The following SNTG2 variants were observed in gnomAD, a reference collection of about 807,000 sequenced individuals.
SNTG2 encodes the protein syntrophin gamma 2.
Under a neutral mutation model 70.9 loss-of-function variants are expected in SNTG2, and 74 were observed. The ratio of observed to expected loss-of-function variants is 1.04; its 90% CI spans 0.86 to 1.27. The LOEUF is 1.27. SNTG2 is among the 50% of genes most tolerant of loss of function. The pLI is 0.00. For synonymous variants in SNTG2, 278 were observed against 273.8 expected (o/e 1.02, Z -0.15); for missense variants, 717 against 690.7 (o/e 1.04, Z -0.43).
intron 14 of SNTG2, among the ~76,000 whole-genome samples, chr2:1,297,928 C>T (rs530107765): frequency 3.9e-5 from 6 of 152,116 alleles, no homozygotes; most frequent in Admixed American, 6.5e-5. Context: ...TTGAGCAGGG[C>T]GCGTGTTGGT....
At chr2:1,230,038 C>A (rs912313362) in intron 9 of SNTG2, among the ~76,000 whole-genome samples, 2 of 152,214 alleles carry the variant, frequency 1.3e-5, no homozygotes, top group African/African-American at 4.8e-5. Context: ...CAGAGAGGGG[C>A]TCCCACAGTG....
intron 8 of SNTG2, among the ~76,000 whole-genome samples, chr2:1,190,928 A>G (rs1051751812): frequency 6.6e-6 from 1 of 152,186 alleles, no homozygotes; most frequent in Admixed American, 6.5e-5. Flanking sequence ...TTTACAACTG[A>G]ATGTTTAAAA....
rs927439202 is a variant in SNTG2, at chr2:1,367,329, A to C, written c.1489-14A>C. ...ACAATTATAATAAACACTTGATCTG[A>C]TTTTCTCCTCCAGGAACTCGAGTTC... On this transcript the variant is annotated splice_polypyrimidine_tract_variant and intron_variant, in intron 16 of 16. Coordinates refer to ENST00000308624, the MANE Select transcript of SNTG2 (RefSeq NM_018968.4). 2.6e-6 allele frequency: 4 copies of C among 1,525,958 alleles called. No homozygotes were observed. The African/African-American group carries it at 5.6e-5, about 21-fold the overall frequency. 94.5% of individuals were successfully genotyped at this position (1,525,958 alleles called of 1,614,324 possible).
At chr2:1,316,143 G>A (rs572749470) in intron 15 of SNTG2, 122 bp from the exon 16 acceptor site, 14 of 581,628 alleles carry the variant, frequency 2.4e-5, no homozygotes, top group Admixed American at 6.5e-5. Flanking sequence ...CATGCTAAAC[G>A]TCGATTTAAA....
intron 6 of SNTG2, among the ~76,000 whole-genome samples, chr2:1,161,890 C>G (rs930116439): frequency 1.3e-5 from 2 of 151,866 alleles, no homozygotes; most frequent in Non-Finnish European, 2.9e-5. Context: ...CTGGCTAACA[C>G]GGTGAAACCC....
chr2:1,244,524 G>A (rs1450707377), intron 11 of SNTG2, among the ~76,000 whole-genome samples: 1 of 151,852 alleles, frequency 6.6e-6, no homozygotes, highest in Non-Finnish European at 1.5e-5. Flanking sequence ...GTGAAACCCT[G>A]TCTCTACTAA....
chr2:1,261,933 C>T (rs556004496), intron 13 of SNTG2, among the ~76,000 whole-genome samples: 10 of 152,178 alleles, frequency 6.6e-5, no homozygotes, highest in Non-Finnish European at 1.2e-4. Flanking sequence ...CTCTATTCCA[C>T]GTGCTAGAAG....
At chr2:951,843 A>C (rs932167387) in intron 1 of SNTG2, among the ~76,000 whole-genome samples, 3 of 152,076 alleles carry the variant, frequency 2.0e-5, no homozygotes, top group Non-Finnish European at 4.4e-5. Flanking sequence ...GCTGTTAATG[A>C]AAATGCATTG....
At chr2:987,992 T>C (rs1661380561) in intron 1 of SNTG2, among the ~76,000 whole-genome samples, 1 of 152,206 alleles carries the variant, frequency 6.6e-6, no homozygotes, top group Non-Finnish European at 1.5e-5. Flanking sequence ...ATGCAGCTTC[T>C]TCCTGCCCTC....
intron 8 of SNTG2, among the ~76,000 whole-genome samples, chr2:1,188,623 A>AT (rs1415140760): frequency 6.6e-6 from 1 of 151,794 alleles, no homozygotes; most frequent in East Asian, 1.9e-4. Flanking sequence ...AGAAAGGATA[A>AT]TTTTCAATTT....
chr2:1,036,607 G>A (rs1294658930), intron 1 of SNTG2, among the ~76,000 whole-genome samples: 1 of 152,074 alleles, frequency 6.6e-6, no homozygotes, highest in Non-Finnish European at 1.5e-5. Context: ...CTTTCTGCCT[G>A]GGTTTATAGA....
Position 1,244,934 on chromosome 2 carries a change from T to G in SNTG2, c.889-2393T>G, listed in dbSNP as rs551734685. The stretch of plus-strand genomic sequence containing the variant: ...TCATTGTTTGTGAAACCTCGCCTAA[T>G]AAGGCCATAAAAAATGATGAGTTCA... On this transcript the variant is annotated intron_variant, in intron 11 of 16. Transcript: ENST00000308624. Among the ~76,000 whole-genome samples the G allele has an allele frequency of 1.1e-4, 17 of 152,114 alleles. No homozygotes were observed. The South Asian group carries it at 3.5e-3, about 32-fold the overall frequency.
chr2:1,137,244 G>C (rs1668446811), intron 4 of SNTG2, among the ~76,000 whole-genome samples: 1 of 150,972 alleles, frequency 6.6e-6, no homozygotes, highest in Non-Finnish European at 1.5e-5. Flanking sequence ...CACATGCTCA[G>C]ACTTGCAAAT....
intron 9 of SNTG2, among the ~76,000 whole-genome samples, chr2:1,225,863 G>T (rs1675740180): frequency 1.3e-5 from 2 of 152,224 alleles, no homozygotes; most frequent in East Asian, 3.8e-4. Flanking sequence ...AGCCCACGGT[G>T]TGTGCAGCTT....
At chr2:1,049,235 T>C (rs1661914363) in intron 1 of SNTG2, among the ~76,000 whole-genome samples, 1 of 152,194 alleles carries the variant, frequency 6.6e-6, no homozygotes, top group South Asian at 2.1e-4. Context: ...TGGACAAATC[T>C]GTAATGACAG....
chr2:1,106,544 G>A (rs1204181112), intron 4 of SNTG2, among the ~76,000 whole-genome samples: 1 of 130,276 alleles, frequency 7.7e-6, no homozygotes, highest in Non-Finnish European at 1.6e-5. Context: ...GAGTGGACAC[G>A]TGCTGTCACT....
chr2:1,288,214 G>A (rs1679845535), intron 14 of SNTG2, among the ~76,000 whole-genome samples: 1 of 152,126 alleles, frequency 6.6e-6, no homozygotes, highest in Non-Finnish European at 1.5e-5. Flanking sequence ...TCTAGGCCTT[G>A]GAGAACCTAC....
chr2:1,165,058 A>G (rs1670617140), intron 6 of SNTG2, among the ~76,000 whole-genome samples: 1 of 152,242 alleles, frequency 6.6e-6, no homozygotes, highest in East Asian at 1.9e-4. Flanking sequence ...GTATAATTTG[A>G]AACTCCAGCA....
At position 1,083,548 on chromosome 2, in the gene SNTG2, G is replaced by A. The variant is rs370249559; in HGVS notation, c.103G>A (p.Glu35Lys). The A allele has an allele frequency of 2.9e-5, 46 of 1,613,608 alleles. No individual in the cohort carries two copies. The highest frequency in any genetic ancestry group is 3.8e-5 in the Non-Finnish European group (45 of 1,179,724). The change falls in exon 2 of 17, where the codon GAA becomes AAA. Residue 35 changes from glutamate to lysine, a missense_variant. By Grantham distance (56) the Glu-to-Lys change is moderately conservative. Transcript: ENST00000308624. Reference protein sequence around the residue: ...TKTTIALLYDEESENAYDIRL... With the variant: ...TKTTIALLYDKESENAYDIRL... ...AACCACTATTGCTCTGTTGTATGAT[G>A]AAGAGTCCGAAAATGCCTATGACAT...
Sources: gnomAD v4.1 joint callset for allele counts (sites outside exome capture counted in the v4.1 genomes callset) on GRCh38, gnomAD v4.1.1 for gene constraint, MANE v1.5 for transcripts, NCBI Gene and HGNC (gene_info 2026-07-23, HGNC 2026-07-21) for gene names.